The following SBF2 variants were observed in gnomAD, a reference collection of about 807,000 sequenced individuals.
SBF2 encodes the protein myotubularin-related protein 13.
SBF2 carries 112 observed loss-of-function variants against 225.2 expected under a neutral mutation model. The ratio of observed to expected loss-of-function variants is 0.50; its 90% CI spans 0.43 to 0.58. The LOEUF is 0.58. Ranked by LOEUF, SBF2 falls within the 20% of genes least tolerant of loss-of-function variation. SBF2 has a pLI of 0.00. For synonymous variants in SBF2, 763 were observed against 773.3 expected (o/e 0.99, Z 0.22); for missense variants, 1,996 against 2,206.2 (o/e 0.90, Z 1.91).
chr11:10,294,546 G>T (rs1964408954), upstream of SBF2, among the ~76,000 whole-genome samples: 1 of 152,224 alleles, frequency 6.6e-6, no homozygotes, highest in African/African-American at 2.4e-5. Context: ...TGGAAAGCTG[G>T]CTGCTTCCTC....
chr11:10,195,040 T>C (rs201672525), intron 1 of SBF2, among the ~76,000 whole-genome samples: 1 of 152,238 alleles, frequency 6.6e-6, no homozygotes, highest in East Asian at 1.9e-4. Context: ...CTATAAATAC[T>C]GTTACTGGTT....
At chr11:9,952,245 TACAC>T (rs749235484) in intron 16 of SBF2, among the ~76,000 whole-genome samples, 24 of 83,130 alleles carry the variant, frequency 2.9e-4, no homozygotes, top group South Asian at 5.5e-4. Context: ...TAAAAATAAA[TACAC>T]AAACAAACAA....
At chr11:9,928,079 C>A (rs1864193754) in intron 16 of SBF2, among the ~76,000 whole-genome samples, 2 of 152,018 alleles carry the variant, frequency 1.3e-5, no homozygotes, top group Admixed American at 6.6e-5. Context: ...ATACCAAGTG[C>A]ATATCTATTC....
Position 9,992,228 on chromosome 11 carries a change from T to C in SBF2, c.1296+187A>G, listed in dbSNP as rs878952599. Reference sequence around the variant, plus strand: ...TTATATGTATTTCCAAGGCATCTTATAATTTTTTGTAATTTTTATAATCCA... The same window carrying C: ...TTATATGTATTTCCAAGGCATCTTACAATTTTTTGTAATTTTTATAATCCA... On this transcript the variant is annotated intron_variant, in intron 12 of 39. Coordinates refer to ENST00000256190, the MANE Select transcript of SBF2 (RefSeq NM_030962.4). 3.3e-5 allele frequency among the ~76,000 whole-genome samples: 5 copies of C among 152,312 alleles called. No individual in the cohort carries two copies. In the South Asian group the frequency reaches 1.0e-3, roughly 32 times the overall value.
intron 6 of SBF2, 60 bp downstream of exon 6, chr11:10,028,392 A>G: frequency 9.2e-7 from 1 of 1,084,202 alleles, no homozygotes; most frequent in South Asian, 1.2e-5. Context: ...TCGACTTAAA[A>G]TAAATCCTTT....
intron 2 of SBF2, among the ~76,000 whole-genome samples, chr11:10,125,225 A>C (rs145951936): frequency 3.9e-5 from 6 of 152,188 alleles, no homozygotes; most frequent in African/African-American, 1.4e-4. Context: ...AATGAAACAT[A>C]CTGTACATCT....
chr11:9,909,034 A>C (rs982192994), intron 16 of SBF2, among the ~76,000 whole-genome samples: 6 of 151,922 alleles, frequency 3.9e-5, no homozygotes, highest in Non-Finnish European at 8.8e-5. Context: ...TATCCTCCCT[A>C]ATTAGTCATA....
chr11:9,811,841 C>G (rs1048699456), intron 30 of SBF2, among the ~76,000 whole-genome samples: 6 of 151,584 alleles, frequency 4.0e-5, no homozygotes, highest in Non-Finnish European at 7.4e-5. Flanking sequence ...GGGGGCCAGG[C>G]GTGGCAGCTC....
intron 16 of SBF2, among the ~76,000 whole-genome samples, chr11:9,929,451 C>T (rs955927579): frequency 1.3e-5 from 2 of 152,192 alleles, no homozygotes; most frequent in Non-Finnish European, 2.9e-5. Flanking sequence ...CAAAGCCAAA[C>T]TTGCAACCAA....
At chr11:9,904,469 T>G (rs1054801270) in intron 16 of SBF2, among the ~76,000 whole-genome samples, 2 of 152,068 alleles carry the variant, frequency 1.3e-5, no homozygotes, top group Non-Finnish European at 2.9e-5. Flanking sequence ...AACTGACAGA[T>G]GTAAAAGGAA....
intron 14 of SBF2, among the ~76,000 whole-genome samples, chr11:9,967,210 A>C (rs1163037130): frequency 6.6e-6 from 1 of 152,110 alleles, no homozygotes; most frequent in Non-Finnish European, 1.5e-5. Context: ...TCTCTACTAA[A>C]AATACAAAAA....
At chr11:9,826,820 T>A (rs937473102) in intron 28 of SBF2, among the ~76,000 whole-genome samples, 1 of 151,810 alleles carries the variant, frequency 6.6e-6, no homozygotes, top group Non-Finnish European at 1.5e-5. Context: ...GTTTTGCTCT[T>A]GTTGCCCAGG....
Position 9,818,233 on chromosome 11 carries a change from C to T in SBF2, c.3794-1209G>A, listed in dbSNP as rs533414240. On this transcript the variant is annotated intron_variant, in intron 28 of 39. Transcript: ENST00000256190. ...GTGCTGGGATTACAGGCATGAGCCA[C>T]CACGCCCAGCCAGAAGCAGATACCT... Among the ~76,000 whole-genome samples, 7 of 152,322 alleles carry T rather than the reference C, an allele frequency of 4.6e-5. No homozygotes were observed. In the South Asian group the frequency reaches 1.4e-3, roughly 32 times the overall value.
At chr11:9,922,532 C>T (rs1863713349) in intron 16 of SBF2, among the ~76,000 whole-genome samples, 1 of 152,022 alleles carries the variant, frequency 6.6e-6, no homozygotes, top group African/African-American at 2.4e-5. Context: ...TAGAAGTTTA[C>T]AAAATTAAAC....
chr11:10,242,598 A>G (rs913283083), intron 1 of SBF2, among the ~76,000 whole-genome samples: 2 of 152,108 alleles, frequency 1.3e-5, no homozygotes, highest in Non-Finnish European at 2.9e-5. Flanking sequence ...TGCAACAAAT[A>G]CACCTTAAAT....
chr11:9,921,085 T>TC (rs1198808630), intron 16 of SBF2, among the ~76,000 whole-genome samples: 3 of 146,162 alleles, frequency 2.1e-5, no homozygotes, highest in Non-Finnish European at 4.6e-5. Context: ...TTTTTTTTTT[T>TC]TGGAGCTGGA....
chr11:9,994,400 G>A lies in SBF2; in HGVS notation c.976-402C>T, dbSNP rs190581602. On this transcript the variant is annotated intron_variant, in intron 9 of 39. Transcript: ENST00000256190. Reference sequence around the variant, plus strand: ...TGAGGCAGGAGAATGGCGTGAACCCGGGAGGCGGAGCTTGCAGTGAGCCGA... The same window carrying A: ...TGAGGCAGGAGAATGGCGTGAACCCAGGAGGCGGAGCTTGCAGTGAGCCGA... Among the ~76,000 whole-genome samples the A allele has an allele frequency of 4.3e-3, 644 of 151,244 alleles. 3 individuals carry two copies. Among genetic ancestry groups the A allele is most frequent in the African/African-American group, 0.015 (611 of 41,208 alleles).
intron 2 of SBF2, among the ~76,000 whole-genome samples, chr11:10,112,235 T>C (rs1316323040): frequency 6.6e-6 from 1 of 152,226 alleles, no homozygotes; most frequent in East Asian, 1.9e-4. Flanking sequence ...GGTTTGGCTA[T>C]GTCCCCACCC....
At chr11:9,977,259 G>A (rs1198444189) in intron 13 of SBF2, among the ~76,000 whole-genome samples, 1 of 152,036 alleles carries the variant, frequency 6.6e-6, no homozygotes, top group African/African-American at 2.4e-5. Flanking sequence ...TGAGGTAGGA[G>A]GACTGCTTGA....
Sources: allele counts gnomAD v4.1 joint callset (sites outside exome capture counted in the v4.1 genomes callset), GRCh38; gene constraint gnomAD v4.1.1; transcripts MANE v1.5; gene names NCBI Gene and HGNC (gene_info 2026-07-23, HGNC 2026-07-21).